Variants in ENOX1 observed in about 807,000 individuals in gnomAD.
ENOX1 encodes the protein ecto-NOX disulfide-thiol exchanger 1.
ENOX1 carries 42 observed loss-of-function variants against 82.5 expected under a neutral mutation model. That is an observed-to-expected ratio of 0.51 (90% CI 0.40 to 0.66). The LOEUF (loss-of-function observed/expected upper bound fraction) is 0.66, where lower values mean the gene tolerates loss of function less well. ENOX1 is among the 30% of genes least tolerant of loss of function. ENOX1 has a pLI of 0.00. For missense variants in ENOX1, 608 were observed against 811.6 expected (o/e 0.75, Z 3.05); for synonymous variants, 271 against 282.2 (o/e 0.96, Z 0.40).
At chr13:43,248,486 G>A (rs1345017186) in intron 14 of ENOX1, among the ~76,000 whole-genome samples, 2 of 151,872 alleles carry the variant, frequency 1.3e-5, no homozygotes, top group Admixed American at 6.6e-5. Flanking sequence ...TAGGCTGAAG[G>A]AGGTAAGGAA....
intron 1 of ENOX1, among the ~76,000 whole-genome samples, chr13:43,690,916 A>G (rs955609660): frequency 1.3e-5 from 2 of 152,226 alleles, no homozygotes; most frequent in African/African-American, 4.8e-5. Flanking sequence ...GAAGGGCAAG[A>G]GTTCGCCAAC....
At chr13:43,433,139 T>C (rs2055786958) in intron 3 of ENOX1, among the ~76,000 whole-genome samples, 1 of 152,150 alleles carries the variant, frequency 6.6e-6, no homozygotes, top group Admixed American at 6.5e-5. Flanking sequence ...ACAAAAGGCA[T>C]GGTGCCAACA....
chr13:43,651,507 C>A (rs1027916842), intron 2 of ENOX1, among the ~76,000 whole-genome samples: 33 of 150,984 alleles, frequency 2.2e-4, no homozygotes, highest in African/African-American at 7.8e-4. Context: ...ATCAGCCTGG[C>A]CGACATGGAA....
intron 2 of ENOX1, among the ~76,000 whole-genome samples, chr13:43,660,390 A>G (rs1163157637): frequency 2.6e-5 from 4 of 152,236 alleles, no homozygotes; most frequent in Non-Finnish European, 2.9e-5. Context: ...ATGATCAGTC[A>G]GTCTTTATCC....
chr13:43,550,275 A>G (rs755756264), intron 2 of ENOX1, among the ~76,000 whole-genome samples: 2 of 152,154 alleles, frequency 1.3e-5, no homozygotes, highest in African/African-American at 2.4e-5. Context: ...GTGAACTAAT[A>G]TTAATAAAGG....
At chr13:43,464,883 G>A (rs548879200) in intron 3 of ENOX1, among the ~76,000 whole-genome samples, 161 of 152,318 alleles carry the variant, frequency 1.1e-3, no homozygotes, top group African/African-American at 3.7e-3. Flanking sequence ...GTCTGTGACA[G>A]TTTCTCAGTT....
intron 2 of ENOX1, among the ~76,000 whole-genome samples, chr13:43,576,926 A>G (rs937318259): frequency 1.3e-5 from 2 of 152,196 alleles, no homozygotes; most frequent in African/African-American, 4.8e-5. Context: ...AAAGAAATTT[A>G]AAGAAGGTTT....
intron 12 of ENOX1, among the ~76,000 whole-genome samples, chr13:43,290,983 C>T (rs1380090326): frequency 6.6e-6 from 1 of 152,078 alleles, no homozygotes; most frequent in African/African-American, 2.4e-5. Flanking sequence ...GCTGAGATCA[C>T]ACCACTGTAC....
intron 2 of ENOX1, among the ~76,000 whole-genome samples, chr13:43,519,244 G>C (rs571222104): frequency 6.6e-6 from 1 of 152,202 alleles, no homozygotes; most frequent in African/African-American, 2.4e-5. Context: ...GTTCAATTCG[G>C]TTGAGTTAAA....
chr13:43,770,931 T>C (rs1951558430), intron 1 of ENOX1, among the ~76,000 whole-genome samples: 1 of 151,814 alleles, frequency 6.6e-6, no homozygotes, highest in African/African-American at 2.4e-5. Context: ...TTGCTTCATA[T>C]CCCTCTCCAA....
intron 3 of ENOX1, among the ~76,000 whole-genome samples, chr13:43,445,276 A>C (rs1448386102): frequency 3.3e-5 from 5 of 151,274 alleles, no homozygotes; most frequent in Non-Finnish European, 5.9e-5. Context: ...GGCACCCACC[A>C]CCACGCCTGG....
rs2057968480 is a variant in ENOX1 at position 43,470,321 on chromosome 13, T to TATATATACATATATATACAC, written c.-75+13687_-75+13688insGTGTATATATATGTATATAT. Reference sequence around the variant, plus strand: ...ACATATATATACATATATATACACATATATATATGTATATATATACGTATA... The same window carrying TATATATACATATATATACAC: ...ACATATATATACATATATATACACATATATATACATATATATACACATATATATGTATATATATACGTATA... On this transcript the variant is annotated intron_variant, in intron 3 of 16. Coordinates refer to ENST00000690772, the MANE Select transcript of ENOX1 (RefSeq NM_001347969.2). Among the ~76,000 whole-genome samples the TATATATACATATATATACAC allele has an allele frequency of 1.3e-4, 6 of 46,962 alleles. 2 individuals carry two copies. Among genetic ancestry groups the TATATATACATATATATACAC allele is most frequent in the Non-Finnish European group, 2.3e-4 (5 of 21,588 alleles). The allele number at this position is 46,962 out of a possible 152,430, so 30.8% of individuals were successfully genotyped here. A position where few individuals can be genotyped will look rare whatever the true frequency, so the allele number is the denominator to read the frequency against.
chr13:43,774,156 ACT>A (rs1024003237), intron 1 of ENOX1, among the ~76,000 whole-genome samples: 4 of 151,888 alleles, frequency 2.6e-5, no homozygotes, highest in Non-Finnish European at 5.9e-5. Context: ...CCACTTAAAA[ACT>A]CTCTCTTCAT....
At chr13:43,218,389 G>T (rs541525491) in intron 16 of ENOX1, among the ~76,000 whole-genome samples, 7 of 152,306 alleles carry the variant, frequency 4.6e-5, no homozygotes, top group Admixed American at 4.6e-4. Flanking sequence ...CACTTTGGGA[G>T]GCTAAGGTGA....
intron 5 of ENOX1, 98 bp from the exon 6 acceptor site, chr13:43,361,550 T>C (rs2050509234): frequency 1.8e-6 from 2 of 1,142,804 alleles, no homozygotes; most frequent in Non-Finnish European, 2.4e-6. Flanking sequence ...TTATACTTTC[T>C]ATTTTTCAGG....
intron 2 of ENOX1, among the ~76,000 whole-genome samples, chr13:43,556,525 G>A (rs551448995): frequency 6.6e-6 from 1 of 152,188 alleles, no homozygotes; most frequent in East Asian, 1.9e-4. Context: ...AGAACTAAGA[G>A]GTCACATCAG....
At chr13:43,393,035 C>T (rs1042921217) in intron 5 of ENOX1, among the ~76,000 whole-genome samples, 1 of 152,052 alleles carries the variant, frequency 6.6e-6, no homozygotes, top group Admixed American at 6.6e-5. Context: ...GCAGGCATAG[C>T]TCTGTGGGCA....
At chr13:43,618,977 ATTTT>A (rs56048836) in intron 2 of ENOX1, among the ~76,000 whole-genome samples, 2 of 116,960 alleles carry the variant, frequency 1.7e-5, no homozygotes, top group Non-Finnish European at 1.8e-5. Context: ...ATAGTCCTAA[ATTTT>A]TTTTTTTTTT....
chr13:43,462,222 T>C (rs537564716), intron 3 of ENOX1, among the ~76,000 whole-genome samples: 37 of 152,352 alleles, frequency 2.4e-4, no homozygotes, highest in Admixed American at 3.9e-4. Context: ...TTATCAGTCA[T>C]TGATTTTCAA....
Sources: gnomAD v4.1 joint callset for allele counts (sites outside exome capture counted in the v4.1 genomes callset) on GRCh38, gnomAD v4.1.1 for gene constraint, MANE v1.5 for transcripts, NCBI Gene and HGNC (gene_info 2026-07-23, HGNC 2026-07-21) for gene names.